The following ATP6V1C2 variants were observed in gnomAD, a reference collection of about 807,000 sequenced individuals.
ATP6V1C2 encodes the protein ATPase H+ transporting V1 subunit C2.
A neutral mutation model predicts 56.8 loss-of-function variants in ATP6V1C2; 45 were observed. The observed-to-expected ratio is 0.79, with a 90% confidence interval of 0.62 to 1.02. The LOEUF (loss-of-function observed/expected upper bound fraction) is 1.02, where lower values mean the gene tolerates loss of function less well. Ranked by LOEUF, ATP6V1C2 falls within the 50% of genes least tolerant of loss-of-function variation. ATP6V1C2 has a pLI of 0.00. For synonymous variants in ATP6V1C2, 220 were observed against 201.3 expected (o/e 1.09, Z -0.79); for missense variants, 463 against 519.7 (o/e 0.89, Z 1.06).
intron 2 of ATP6V1C2, among the ~76,000 whole-genome samples, chr2:10,724,674 CTTT>C (rs61085771): frequency 3.2e-4 from 40 of 124,530 alleles, no homozygotes; most frequent in Admixed American, 6.5e-4. Context: ...TTCCTAATTA[CTTT>C]TTTTTTTTTT....
rs1491035475 is a variant in ATP6V1C2 at position 10,776,280 on chromosome 2, T to TGC, written c.825+1216_825+1217dup. The stretch of plus-strand genomic sequence containing the variant: ...GCGCTCACACACGTGTGTGTGTGTG[T>TGC]GCGCGCGCACGTGCATGTATGAGTG... On this transcript the variant is annotated intron_variant, in intron 10 of 13. Coordinates refer to ENST00000272238, the MANE Select transcript of ATP6V1C2 (RefSeq NM_001039362.2). 1.3e-4 allele frequency among the ~76,000 whole-genome samples: 19 copies of TGC among 141,220 alleles called. No homozygotes were observed. In the South Asian group the frequency reaches 3.6e-3, roughly 27 times the overall value. The allele number at this position is 141,220 out of a possible 152,430, so 92.6% of individuals were successfully genotyped here.
chr2:10,753,838 T>C (rs1020204151), intron 3 of ATP6V1C2, 143 bp from the exon 4 acceptor site: 9 of 697,124 alleles, frequency 1.3e-5, no homozygotes, highest in South Asian at 8.6e-5. Flanking sequence ...CCGGCCGCTA[T>C]TGGCATTTTA....
At position 10,780,638 on chromosome 2, in the gene ATP6V1C2, G is replaced by A. The variant is rs903164075; in HGVS notation, c.1062-1605G>A. ...ATCAACCCTGCCCGGCTCAGAAGTC[G>A]GTTGCTCTCAGGCCTAACGGCCTAA... On this transcript the variant is annotated intron_variant, in intron 12 of 13. Transcript: ENST00000272238. The surrounding 1 kb of genome is among the most constrained non-coding windows in gnomAD (Gnocchi z 4.1). 5.3e-5 allele frequency among the ~76,000 whole-genome samples: 8 copies of A among 152,232 alleles called. No homozygotes were observed. The South Asian group carries it at 8.3e-4, about 16-fold the overall frequency.
chr2:10,784,882 AAG>A lies in ATP6V1C2; in HGVS notation c.*1624_*1625del. The A allele has an allele frequency of 7.6e-7, 1 of 1,310,878 alleles. No individual in the cohort carries two copies. Among genetic ancestry groups the A allele is most frequent in the South Asian group, 1.3e-5 (1 of 79,374 alleles). The allele number at this position is 1,310,878 out of a possible 1,614,324, so 81.2% of individuals were successfully genotyped here. ...TCCAGGTGCAGAGATGCACAGGCTCAAGAGAGTAAACCAGGACTGCTGCCCGC... is the reference window on the plus strand; with the variant it reads ...TCCAGGTGCAGAGATGCACAGGCTCAAGAGTAAACCAGGACTGCTGCCCGC... On this transcript the variant is annotated 3_prime_UTR_variant, in exon 14 of 14. Coordinates refer to ENST00000272238, the MANE Select transcript of ATP6V1C2 (RefSeq NM_001039362.2).
chr2:10,737,789 G>A (rs1662336371), intron 3 of ATP6V1C2, among the ~76,000 whole-genome samples: 1 of 152,180 alleles, frequency 6.6e-6, no homozygotes, highest in Non-Finnish European at 1.5e-5. Flanking sequence ...TGCCTTCCGG[G>A]TTCAAGCGAT....
intron 3 of ATP6V1C2, among the ~76,000 whole-genome samples, chr2:10,744,506 T>G (rs1399236652): frequency 1.3e-5 from 2 of 152,146 alleles, no homozygotes; most frequent in South Asian, 4.1e-4. Flanking sequence ...TGACCAGGCC[T>G]CCTCACCTTT....
At chr2:10,725,313 G>T (rs1661578190) in intron 2 of ATP6V1C2, among the ~76,000 whole-genome samples, 1 of 149,660 alleles carries the variant, frequency 6.7e-6, no homozygotes, top group African/African-American at 2.5e-5. Context: ...TATTTGGGAG[G>T]CTGAGGCAGA....
intron 6 of ATP6V1C2, among the ~76,000 whole-genome samples, chr2:10,771,531 C>A (rs1558420225): frequency 6.6e-6 from 1 of 152,214 alleles, no homozygotes; most frequent in Non-Finnish European, 1.5e-5. Flanking sequence ...GGCACCAGGG[C>A]AGCGCAGGTC....
chr2:10,752,071 A>AAC (rs1558403039), intron 3 of ATP6V1C2, among the ~76,000 whole-genome samples: 1 of 151,936 alleles, frequency 6.6e-6, no homozygotes, highest in Non-Finnish European at 1.5e-5. Flanking sequence ...CTCAAAAAAA[A>AAC]AACAACAACA....
In ATP6V1C2 at chr2:10,776,395, G is replaced by A. The variant is rs188184049; in HGVS notation, c.826-1190G>A. On this transcript the variant is annotated intron_variant, in intron 10 of 13. Coordinates refer to ENST00000272238, the MANE Select transcript of ATP6V1C2 (RefSeq NM_001039362.2). ...CGGCTGAGCCTGCGGGGAGGGTGTC[G>A]CCTCCTGAGGACGAGGAGCCGAGCT... is the stretch of plus-strand genomic sequence containing the variant. 3.9e-5 allele frequency among the ~76,000 whole-genome samples: 6 copies of A among 152,234 alleles called. No homozygotes were observed. The South Asian group carries it at 6.2e-4, about 16-fold the overall frequency.
At chr2:10,731,693 G>A (rs142906865) in intron 3 of ATP6V1C2, among the ~76,000 whole-genome samples, 1 of 152,308 alleles carries the variant, frequency 6.6e-6, no homozygotes, top group East Asian at 1.9e-4. Context: ...TGTGAACTGG[G>A]CCAAGCGCAG....
At chr2:10,772,200 C>T (rs1488446485) in intron 7 of ATP6V1C2, among the ~76,000 whole-genome samples, 1 of 152,208 alleles carries the variant, frequency 6.6e-6, no homozygotes, top group Non-Finnish European at 1.5e-5. Context: ...TTTATTTCAT[C>T]CTCACCAAAG....
intron 13 of ATP6V1C2, among the ~76,000 whole-genome samples, chr2:10,782,762 C>T (rs1665450182): frequency 7.6e-6 from 1 of 130,984 alleles, no homozygotes; most frequent in Admixed American, 9.4e-5. Flanking sequence ...ACCTGGGAGG[C>T]GGAGGTTGCA....
At chr2:10,732,888 T>C (rs1023841408) in intron 3 of ATP6V1C2, among the ~76,000 whole-genome samples, 6 of 151,016 alleles carry the variant, frequency 4.0e-5, no homozygotes, top group Admixed American at 1.3e-4. Flanking sequence ...GGAGAATTGC[T>C]TGAAACCAGG....
At chr2:10,754,106 C>T (rs570098959) in intron 4 of ATP6V1C2, 40 bp downstream of exon 4, 68 of 1,527,484 alleles carry the variant, frequency 4.5e-5, no homozygotes, top group African/African-American at 6.9e-5. Context: ...ACAATCTCCC[C>T]GCTCCCTCTA....
At chr2:10,750,542 A>C (rs539653191) in intron 3 of ATP6V1C2, among the ~76,000 whole-genome samples, 1 of 145,852 alleles carries the variant, frequency 6.9e-6, no homozygotes, top group Non-Finnish European at 1.5e-5. Flanking sequence ...AAAAAAAAAC[A>C]AAACAAAACC....
chr2:10,762,205 G>T (rs1216203973), intron 4 of ATP6V1C2, among the ~76,000 whole-genome samples: 9 of 151,276 alleles, frequency 5.9e-5, no homozygotes, highest in Admixed American at 5.9e-4. Context: ...GAGTGCAGTG[G>T]CTCATTCTTG....
chr2:10,722,453 T>C (rs1661419324), intron 1 of ATP6V1C2, among the ~76,000 whole-genome samples: 1 of 152,134 alleles, frequency 6.6e-6, no homozygotes, highest in Non-Finnish European at 1.5e-5. Context: ...CCATCCTGCA[T>C]CCCAGAAGAT....
At position 10,774,796 on chromosome 2, in the gene ATP6V1C2, C is replaced by G; in HGVS notation, c.647C>G (p.Thr216Ser). 3 of 1,614,028 alleles carry G rather than the reference C, an allele frequency of 1.9e-6. No individual in the cohort carries two copies. Among genetic ancestry groups the G allele is most frequent in the Non-Finnish European group, 2.5e-6 (3 of 1,179,874 alleles). Residue 216 changes from threonine (T) to serine (S), a missense_variant, in exon 9 of 14, where the codon ACT (threonine) becomes AGT (serine). Thr to Ser is a moderately conservative substitution (Grantham distance 58). Coordinates refer to ENST00000272238, the MANE Select transcript of ATP6V1C2 (RefSeq NM_001039362.2). ...MVVPRSTKLI[T>S]EDKEGGLFTV... ...ATGCTTCTCTCCAACAGACTCATTA[C>G]TGAGGACAAGGAAGGGGGCCTTTTC...
Sources: gnomAD v4.1 joint callset for allele counts (sites outside exome capture counted in the v4.1 genomes callset) on GRCh38, gnomAD v4.1.1 for gene constraint, Gnocchi (gnomAD v3.1) non-coding constraint, MANE v1.5 for transcripts, NCBI Gene and HGNC (gene_info 2026-07-23, HGNC 2026-07-21) for gene names.